Variants in KALRN observed in about 807,000 individuals in gnomAD.
KALRN encodes the protein kalirin.
Under a neutral mutation model 353.7 loss-of-function variants are expected in KALRN, and 70 were observed. The observed-to-expected ratio is 0.20, with a 90% confidence interval of 0.16 to 0.24. The LOEUF is 0.24. KALRN is among the 10% of genes least tolerant of loss of function. KALRN has a pLI of 1.00. For synonymous variants in KALRN, 1,391 were observed against 1,434.8 expected (o/e 0.97, Z 0.69); for missense variants, 2,791 against 3,756.7 (o/e 0.74, Z 6.72).
At chr3:124,080,185 A>G (rs2060470340) in intron 1 of KALRN, 7 of 362,694 alleles carry the variant, frequency 1.9e-5, no homozygotes, top group South Asian at 6.8e-5. Flanking sequence ...CCTTTCCACA[A>G]TGCTGACTCC....
intron 13 of KALRN, among the ~76,000 whole-genome samples, chr3:124,411,150 C>CATGGCATAACCTTCT (rs1470602967): frequency 4.3e-4 from 66 of 152,152 alleles, no homozygotes; most frequent in African/African-American, 1.4e-3. Context: ...GGCAAAACTA[C>CATGGCATAACCTTCT]ATCTATGATG....
At position 124,434,342 on chromosome 3, in the gene KALRN, C is replaced by T; in HGVS notation, c.2865C>T (p.His955=). ...ATGCCACTTCCTTGCAGAAGACGCA[C>T]CAGAGTGCCCTGCAGGTACAGCAGA... The part of the protein sequence containing the change: ...LFHATSLQKT[H]QSALQVQQKA... The change falls in exon 17 of 60, where the codon CAC becomes CAT. Residue 955 remains histidine (H), a synonymous_variant. Transcript: ENST00000682506. 1 of 1,613,360 alleles carries T rather than the reference C, an allele frequency of 6.2e-7. No individual in the cohort carries two copies. Among genetic ancestry groups the T allele is most frequent in the East Asian group, 2.2e-5 (1 of 44,866 alleles).
chr3:124,303,182 T>C (rs572051547), intron 6 of KALRN, among the ~76,000 whole-genome samples: 54 of 152,332 alleles, frequency 3.5e-4, no homozygotes, highest in African/African-American at 1.2e-3. Context: ...CTACTAAATA[T>C]GGTACATAAA....
chr3:124,617,990 C>T (rs2078807902), intron 34 of KALRN, among the ~76,000 whole-genome samples: 1 of 147,676 alleles, frequency 6.8e-6, no homozygotes, highest in Admixed American at 6.8e-5. Flanking sequence ...AGACTGGGGG[C>T]AGAGAGACAG....
At chr3:124,286,122 TCTTTCTTTCTTTCTTTC>T (rs2075855386) in intron 5 of KALRN, among the ~76,000 whole-genome samples, 39 of 149,626 alleles carry the variant, frequency 2.6e-4, no homozygotes, top group Admixed American at 2.5e-3. Flanking sequence ...TTTCTTTCTT[TCTTTCTTTCTTTCTTTC>T]CTTTCTTTCT....
chr3:124,546,593 T>G (rs1017008760), intron 33 of KALRN, among the ~76,000 whole-genome samples: 5 of 151,992 alleles, frequency 3.3e-5, no homozygotes, highest in Admixed American at 3.3e-4. Flanking sequence ...GAAAGAGAAG[T>G]ACAAAATCAG....
At chr3:124,658,294 C>T (rs542635600) in intron 41 of KALRN, 137 bp from the exon 42 acceptor site, 2 of 704,182 alleles carry the variant, frequency 2.8e-6, no homozygotes, top group African/African-American at 3.5e-5. Flanking sequence ...CATTTATATC[C>T]TTGATATTCA....
intron 6 of KALRN, among the ~76,000 whole-genome samples, chr3:124,304,914 G>A (rs1422058351): frequency 6.6e-6 from 1 of 152,180 alleles, no homozygotes; most frequent in Non-Finnish European, 1.5e-5. Flanking sequence ...CCCCGGAGAT[G>A]GAGACTCCCT....
intron 33 of KALRN, among the ~76,000 whole-genome samples, chr3:124,549,062 A>C (rs1459315842): frequency 1.3e-5 from 2 of 152,220 alleles, no homozygotes; most frequent in African/African-American, 2.4e-5. Context: ...TTGACGAGGA[A>C]CTGAAGCTTA....
At chr3:124,588,456 G>A (rs761959748) in intron 34 of KALRN, among the ~76,000 whole-genome samples, 11 of 151,962 alleles carry the variant, frequency 7.2e-5, no homozygotes, top group South Asian at 2.1e-4. Flanking sequence ...ATGGAGTCTC[G>A]CTCTGTCGCC....
chr3:124,570,050 A>G (rs2073343566), intron 34 of KALRN, among the ~76,000 whole-genome samples: 1 of 152,206 alleles, frequency 6.6e-6, no homozygotes, highest in South Asian at 2.1e-4. Context: ...TTCTGCTGCC[A>G]GGAGCCAAAA....
At chr3:124,260,071 C>A (rs2072626023) in intron 3 of KALRN, among the ~76,000 whole-genome samples, 1 of 152,138 alleles carries the variant, frequency 6.6e-6, no homozygotes, top group South Asian at 2.1e-4. Context: ...GAGGTGCATT[C>A]TGATTTGAAG....
chr3:124,385,915 C>T (rs2088211234), intron 11 of KALRN, among the ~76,000 whole-genome samples: 1 of 151,922 alleles, frequency 6.6e-6, no homozygotes, highest in African/African-American at 2.4e-5. Context: ...CCAGGAATTC[C>T]CTTTAATAGA....
intron 34 of KALRN, among the ~76,000 whole-genome samples, chr3:124,601,448 A>G (rs1047268187): frequency 2.0e-5 from 3 of 152,226 alleles, no homozygotes; most frequent in Non-Finnish European, 4.4e-5. Context: ...CCTTTTGCCC[A>G]GGTTTTGAGC....
In KALRN at chr3:124,717,261, G is replaced by A. The variant is rs758806191; in HGVS notation, c.8291G>A (p.Arg2764Gln). Reference protein sequence around the residue: ...ILILELMDDGRLLDYLMNHDE... With the variant: ...ILILELMDDGQLLDYLMNHDE... ...CCTACTTTCAGGATGGATGATGGCC[G>A]GCTCTTAGACTACCTTATGAATCAT... Residue 2764 changes from arginine (R) to glutamine (Q), a missense_variant, in exon 59 of 60, where the codon CGG (arginine) becomes CAG (glutamine). Around this residue, in one of 11 missense-constraint regions of KALRN, gnomAD observed 188 missense variants for 402.9 expected, o/e 0.47. Coordinates refer to ENST00000682506, the MANE Select transcript of KALRN (RefSeq NM_001388419.1). The A allele has an allele frequency of 1.1e-5, 17 of 1,599,532 alleles. No individual in the cohort carries two copies. The Admixed American group carries it at 1.6e-4, about 15-fold the overall frequency.
At chr3:124,132,241 C>T (rs1196926030) in intron 1 of KALRN, among the ~76,000 whole-genome samples, 1 of 152,198 alleles carries the variant, frequency 6.6e-6, no homozygotes, top group Non-Finnish European at 1.5e-5. Context: ...CTCCAGCCTC[C>T]TCTACCCTGT....
chr3:124,496,468 C>T, intron 33 of KALRN, 55 bp downstream of exon 33: 1 of 1,281,410 alleles, frequency 7.8e-7, no homozygotes, highest in East Asian at 2.3e-5. Flanking sequence ...GCTCAACCAC[C>T]CCTGGAGAGG....
intron 1 of KALRN, among the ~76,000 whole-genome samples, chr3:124,106,431 G>A (rs1204035291): frequency 6.6e-6 from 1 of 152,132 alleles, no homozygotes; most frequent in Non-Finnish European, 1.5e-5. Flanking sequence ...TTGTATACAT[G>A]AGAAAACTGA....
chr3:124,644,351 A>T (rs1004165525), intron 37 of KALRN, among the ~76,000 whole-genome samples: 1 of 152,014 alleles, frequency 6.6e-6, no homozygotes, highest in East Asian at 1.9e-4. Context: ...TTATACTTTA[A>T]GTTCCAGGAT....
Sources: allele counts gnomAD v4.1 joint callset (sites outside exome capture counted in the v4.1 genomes callset), GRCh38; gene constraint gnomAD v4.1.1; regional missense constraint gnomAD v4.1.1; transcripts MANE v1.5; gene names NCBI Gene and HGNC (gene_info 2026-07-23, HGNC 2026-07-21).